KCND2: variants seen among roughly 807,000 people sequenced by gnomAD.
KCND2 encodes A-type voltage-gated potassium channel KCND2.
In KCND2, 16 loss-of-function variants were observed where a neutral mutation model predicts 54.4. The observed-to-expected ratio is 0.29, with a 90% CI of 0.20 to 0.45. KCND2 has a LOEUF of 0.45. KCND2 is among the 20% of genes least tolerant of loss of function. KCND2 has a pLI of 1.00. For synonymous variants in KCND2, 317 were observed against 310.7 expected (o/e 1.02, Z -0.21); for missense variants, 486 against 824.2 (o/e 0.59, Z 5.02).
intron 1 of KCND2, among the ~76,000 whole-genome samples, chr7:120,362,136 C>G (rs887212697): frequency 6.6e-6 from 1 of 152,084 alleles, no homozygotes; most frequent in Non-Finnish European, 1.5e-5. Context: ...GAAATTACAG[C>G]TAAGTCTGTA....
intron 1 of KCND2, among the ~76,000 whole-genome samples, chr7:120,726,334 AAAAG>A (rs2116122633): frequency 6.6e-6 from 1 of 152,322 alleles, no homozygotes; most frequent in Admixed American, 6.5e-5. Flanking sequence ...ACACTCAAAA[AAAAG>A]GTCATTTGCT....
intron 1 of KCND2, among the ~76,000 whole-genome samples, chr7:120,390,603 A>C (rs1801059269): frequency 6.6e-6 from 1 of 152,006 alleles, no homozygotes; most frequent in Non-Finnish European, 1.5e-5. Context: ...TCCCATCAAA[A>C]GTTATGTTAA....
At chr7:120,698,445 G>A (rs888277549) in intron 1 of KCND2, among the ~76,000 whole-genome samples, 2 of 152,108 alleles carry the variant, frequency 1.3e-5, no homozygotes, top group African/African-American at 4.8e-5. Context: ...AATAATAATA[G>A]TGTCCACTTT....
At chr7:120,705,202 C>T (rs1351228397) in intron 1 of KCND2, among the ~76,000 whole-genome samples, 2 of 152,118 alleles carry the variant, frequency 1.3e-5, no homozygotes, top group African/African-American at 4.8e-5. Flanking sequence ...TGCTGTGACA[C>T]TTATTCTGAA....
At chr7:120,742,361 A>T in intron 3 of KCND2, 149 bp from the exon 4 acceptor site, 1 of 703,920 alleles carries the variant, frequency 1.4e-6, no homozygotes, top group Non-Finnish European at 2.6e-6. Flanking sequence ...ATCCAACTTA[A>T]CAGGAACTGC....
In KCND2 at chr7:120,330,043, T is replaced by TA. The variant is rs1413271904; in HGVS notation, c.1115+54304dup. Among the ~76,000 whole-genome samples the TA allele has an allele frequency of 2.0e-4, 31 of 151,636 alleles. No individual in the cohort carries two copies. In the East Asian group the frequency reaches 5.6e-3, roughly 27 times the overall value. On this transcript the variant is annotated intron_variant, in intron 1 of 5. Transcript: ENST00000331113. ...TTAGTTTGCTTTGTTTTGCTGTAAATAAAAAAAAGGTCTATAGAGGATGTA... is the reference window on the plus strand; with the variant it reads ...TTAGTTTGCTTTGTTTTGCTGTAAATAAAAAAAAAGGTCTATAGAGGATGTA...
In KCND2 at chr7:120,588,598, T is replaced by C. The variant is rs182246696; in HGVS notation, c.1116-144305T>C. On this transcript the variant is annotated intron_variant, in intron 1 of 5. Transcript: ENST00000331113. ...TGCTGTTTACTGGGGAGGATGAAACTCGATTCTGTTTCACAGCTGCATTTA... is the reference window on the plus strand; with the variant it reads ...TGCTGTTTACTGGGGAGGATGAAACCCGATTCTGTTTCACAGCTGCATTTA... Among the ~76,000 whole-genome samples the C allele has an allele frequency of 5.9e-3, 901 of 152,220 alleles. 10 individuals are homozygous for C. Among genetic ancestry groups the C allele is most frequent in the Middle Eastern group, 0.014 (4 of 294 alleles).
chr7:120,469,151 A>C (rs1241445857), intron 1 of KCND2, among the ~76,000 whole-genome samples: 1 of 152,134 alleles, frequency 6.6e-6, no homozygotes, highest in Non-Finnish European at 1.5e-5. Context: ...TATTGGTATA[A>C]ATTCTTCAAA....
At chr7:120,416,353 A>G (rs1801525140) in intron 1 of KCND2, among the ~76,000 whole-genome samples, 1 of 152,116 alleles carries the variant, frequency 6.6e-6, no homozygotes, top group Admixed American at 6.5e-5. Flanking sequence ...CTACTCACAC[A>G]CACATAGCTC....
At chr7:120,732,790 G>GA (rs1792823526) in intron 1 of KCND2, 113 bp from the exon 2 acceptor site, 2 of 775,422 alleles carry the variant, frequency 2.6e-6, no homozygotes, top group African/African-American at 1.7e-5. Flanking sequence ...TCACAAAGTA[G>GA]AAATAGATAT....
chr7:120,675,994 C>T (rs1792056564), intron 1 of KCND2, among the ~76,000 whole-genome samples: 1 of 151,682 alleles, frequency 6.6e-6, no homozygotes. Context: ...CACGCCACTA[C>T]ACCCAGCTAA....
chr7:120,508,202 CTTATAA>C (rs1219027503), intron 1 of KCND2, among the ~76,000 whole-genome samples: 1 of 151,808 alleles, frequency 6.6e-6, no homozygotes, highest in Non-Finnish European at 1.5e-5. Context: ...AAAATTATTT[CTTATAA>C]TTAAAAAGAA....
chr7:120,351,377 C>T (rs1036636114), intron 1 of KCND2, among the ~76,000 whole-genome samples: 3 of 119,418 alleles, frequency 2.5e-5, no homozygotes, highest in African/African-American at 4.3e-5. Context: ...CACACACACA[C>T]ACACACACAC....
At chr7:120,502,558 C>G (rs190164319) in intron 1 of KCND2, among the ~76,000 whole-genome samples, 4 of 152,070 alleles carry the variant, frequency 2.6e-5, no homozygotes, top group South Asian at 2.1e-4. Flanking sequence ...TCCAGGAACT[C>G]AGCAATACAT....
chr7:120,549,261 C>A (rs1584823312), intron 1 of KCND2, among the ~76,000 whole-genome samples: 1 of 152,028 alleles, frequency 6.6e-6, no homozygotes. Context: ...TTAAGGGGGA[C>A]CTCTATCGTG....
intron 1 of KCND2, among the ~76,000 whole-genome samples, chr7:120,697,535 T>A (rs1424786269): frequency 3.3e-5 from 5 of 152,218 alleles, no homozygotes; most frequent in Non-Finnish European, 7.3e-5. Flanking sequence ...TGCTGTATAC[T>A]TTAATATGAA....
At chr7:120,492,661 C>T (rs748943958) in intron 1 of KCND2, among the ~76,000 whole-genome samples, 2 of 152,060 alleles carry the variant, frequency 1.3e-5, no homozygotes, top group Non-Finnish European at 2.9e-5. Context: ...AGATGCTCCT[C>T]AGCTTACCAT....
intron 1 of KCND2, among the ~76,000 whole-genome samples, chr7:120,490,405 A>G (rs1383975210): frequency 4.6e-5 from 7 of 152,190 alleles, no homozygotes. Context: ...AACTTATTAT[A>G]TAATTCGTTG....
intron 1 of KCND2, among the ~76,000 whole-genome samples, chr7:120,299,169 A>T (rs1252925625): frequency 1.3e-5 from 2 of 152,180 alleles, no homozygotes; most frequent in African/African-American, 4.8e-5. Context: ...TAAAAAAAAA[A>T]ATTGAGAATG....
Sources: allele counts gnomAD v4.1 joint callset (sites outside exome capture counted in the v4.1 genomes callset), GRCh38; gene constraint gnomAD v4.1.1; transcripts MANE v1.5; gene names NCBI Gene and HGNC (gene_info 2026-07-23, HGNC 2026-07-21).